Variants in ATXN7 observed in about 807,000 individuals in gnomAD.
ATXN7 encodes the protein ataxin 7.
In ATXN7, 12 loss-of-function variants were observed where a neutral mutation model predicts 70.5. The observed-to-expected ratio is 0.17, with a 90% CI of 0.11 to 0.28. The LOEUF is 0.28. Among genes scored for constraint, ATXN7 ranks in the 10% least tolerant of loss-of-function variants. The pLI, the probability that ATXN7 is intolerant of heterozygous loss-of-function variation, is 1.00. For missense variants in ATXN7, 1,256 were observed against 1,131.7 expected (o/e 1.11, Z -1.58); for synonymous variants, 498 against 448.7 (o/e 1.11, Z -1.39).
chr3:63,933,781 A>G (rs926516309), intron 4 of ATXN7, among the ~76,000 whole-genome samples: 13 of 152,150 alleles, frequency 8.5e-5, no homozygotes, highest in African/African-American at 3.1e-4. Context: ...AACCTGTGCA[A>G]AGTAGTTTGT....
At chr3:63,877,198 C>T (rs1243476442) in intron 1 of ATXN7, among the ~76,000 whole-genome samples, 1 of 152,048 alleles carries the variant, frequency 6.6e-6, no homozygotes, top group Non-Finnish European at 1.5e-5. Context: ...AACTGAAATT[C>T]CTGAATGCTT....
chr3:63,866,946 C>T (rs1168814912), intron 1 of ATXN7: 1 of 148,226 alleles, frequency 6.7e-6, no homozygotes, highest in Non-Finnish European at 1.5e-5. Context: ...TTATTTGAGT[C>T]ATAAGATTTC....
At chr3:63,928,571 A>G (rs1704810994) in intron 4 of ATXN7, among the ~76,000 whole-genome samples, 1 of 152,178 alleles carries the variant, frequency 6.6e-6, no homozygotes, top group African/African-American at 2.4e-5. Flanking sequence ...CTTTACATGG[A>G]CTGCCTCAAT....
chr3:63,975,126 G>A (rs1366723659), intron 5 of ATXN7, among the ~76,000 whole-genome samples: 5 of 152,054 alleles, frequency 3.3e-5, no homozygotes, highest in Admixed American at 6.5e-5. Flanking sequence ...TTAGTATATC[G>A]GTGGCTTTGG....
intron 1 of ATXN7, among the ~76,000 whole-genome samples, chr3:63,881,776 C>T (rs1702919294): frequency 6.6e-6 from 1 of 152,174 alleles, no homozygotes; most frequent in South Asian, 2.1e-4. Flanking sequence ...GCGTGAGCCA[C>T]TGCACCCAGC....
chr3:63,888,652 T>C (rs946221116), intron 1 of ATXN7, among the ~76,000 whole-genome samples: 1 of 152,174 alleles, frequency 6.6e-6, no homozygotes, highest in Non-Finnish European at 1.5e-5. Flanking sequence ...GTCAAGTGCC[T>C]ATAATCCCAG....
At chr3:63,948,559 T>C (rs1211268207) in intron 4 of ATXN7, among the ~76,000 whole-genome samples, 3 of 152,154 alleles carry the variant, frequency 2.0e-5, no homozygotes, top group Non-Finnish European at 1.5e-5. Flanking sequence ...GCAGGTTAAA[T>C]GCTTTGCAGT....
intron 2 of ATXN7, among the ~76,000 whole-genome samples, chr3:63,907,869 A>C (rs1325745298): frequency 6.6e-6 from 1 of 152,146 alleles, no homozygotes; most frequent in Non-Finnish European, 1.5e-5. Flanking sequence ...AAATCCCTAG[A>C]AACACTGGGC....
rs140855935 is a variant in ATXN7 at position 63,975,329 on chromosome 3, A to G, written c.500-4586A>G. Reference sequence around the variant, plus strand: ...TGTAAAATTGAAACCAGAACACCAAATTTTTCTTCTTTAGAAGTATGTATT... The same window carrying G: ...TGTAAAATTGAAACCAGAACACCAAGTTTTTCTTCTTTAGAAGTATGTATT... On this transcript the variant is annotated intron_variant, in intron 5 of 12. Transcript: ENST00000674280. 1.5e-3 allele frequency among the ~76,000 whole-genome samples: 231 copies of G among 152,234 alleles called. 3 individuals carry two copies. Among genetic ancestry groups the G allele is most frequent in the Non-Finnish European group, 5.3e-4 (36 of 68,010 alleles).
At position 63,997,918 on chromosome 3, in the gene ATXN7, T is replaced by G. The variant is rs927391494; in HGVS notation, c.2661+1435T>G. The G allele has an allele frequency of 4.1e-6, 4 of 985,316 alleles. No individual in the cohort carries two copies. The African/African-American group carries it at 7.0e-5, about 17-fold the overall frequency. 61.0% of individuals were successfully genotyped at this position (985,316 alleles called of 1,614,324 possible). On this transcript the variant is annotated intron_variant, in intron 12 of 12. Transcript: ENST00000674280. Reference sequence around the variant, plus strand: ...TGCATTATGGGTTATTATATGTTGTTTGGCATTCTGATCATGGGATTCCTG... The same window carrying G: ...TGCATTATGGGTTATTATATGTTGTGTGGCATTCTGATCATGGGATTCCTG...
At chr3:63,939,217 C>A (rs2074714240) in intron 4 of ATXN7, among the ~76,000 whole-genome samples, 1 of 152,136 alleles carries the variant, frequency 6.6e-6, no homozygotes, top group Admixed American at 6.5e-5. Context: ...TCTTATCCAT[C>A]CATCCTGTTC....
chr3:63,946,904 C>T (rs1181923128), intron 4 of ATXN7, among the ~76,000 whole-genome samples: 1 of 152,074 alleles, frequency 6.6e-6, no homozygotes, highest in Non-Finnish European at 1.5e-5. Flanking sequence ...GTAAGAGGAA[C>T]AAACTGTGGC....
intron 2 of ATXN7, among the ~76,000 whole-genome samples, chr3:63,910,935 TTTC>T (rs370197103): frequency 2.2e-4 from 34 of 152,186 alleles, no homozygotes; most frequent in African/African-American, 7.2e-4. Flanking sequence ...TGCAGTGACA[TTTC>T]TTTATTAATT....
intron 8 of ATXN7, among the ~76,000 whole-genome samples, chr3:63,986,959 T>C (rs1041369757): frequency 5.3e-5 from 8 of 152,318 alleles, no homozygotes; most frequent in African/African-American, 1.9e-4. Flanking sequence ...TTTATGGATA[T>C]GTGATTAGGG....
chr3:63,954,124 C>T (rs1483017486), intron 5 of ATXN7, among the ~76,000 whole-genome samples: 1 of 152,142 alleles, frequency 6.6e-6, no homozygotes, highest in Non-Finnish European at 1.5e-5. Context: ...CTAGGGTAGG[C>T]ACTAGAGTGG....
intron 5 of ATXN7, among the ~76,000 whole-genome samples, chr3:63,952,917 T>G (rs550035851): frequency 6.9e-6 from 1 of 145,898 alleles, no homozygotes; most frequent in East Asian, 2.1e-4. Flanking sequence ...AAATATTGGG[T>G]GTTAATTGTT....
intron 4 of ATXN7, among the ~76,000 whole-genome samples, chr3:63,914,074 G>C (rs1277192604): frequency 2.6e-5 from 4 of 152,160 alleles, no homozygotes; most frequent in African/African-American, 9.7e-5. Flanking sequence ...TTAGGACAAG[G>C]CTTTGAGTGA....
intron 1 of ATXN7, among the ~76,000 whole-genome samples, chr3:63,880,126 G>C (rs558620997): frequency 6.6e-6 from 1 of 152,198 alleles, no homozygotes; most frequent in South Asian, 2.1e-4. Flanking sequence ...TATCAAAAGA[G>C]AGTCTGTTTT....
At chr3:63,915,010 A>G (rs1704206772) in intron 4 of ATXN7, among the ~76,000 whole-genome samples, 2 of 152,102 alleles carry the variant, frequency 1.3e-5, no homozygotes, top group South Asian at 4.1e-4. Flanking sequence ...CCACCTCCTC[A>G]GTGCAACCTC....
Sources: allele counts gnomAD v4.1 joint callset (sites outside exome capture counted in the v4.1 genomes callset), GRCh38; gene constraint gnomAD v4.1.1; transcripts MANE v1.5; gene names NCBI Gene and HGNC (gene_info 2026-07-23, HGNC 2026-07-21).